Variants in CHRNA7 observed in about 807,000 individuals in gnomAD.
CHRNA7 encodes the protein cholinergic receptor nicotinic alpha 7 subunit, also known as neuronal acetylcholine receptor subunit alpha-7.
A neutral mutation model predicts 48.0 loss-of-function variants in CHRNA7; 17 were observed. The observed-to-expected ratio is 0.35, with a 90% CI of 0.24 to 0.53. The LOEUF is 0.53. CHRNA7 is among the 20% of genes least tolerant of loss of function. The pLI, the probability that CHRNA7 is intolerant of heterozygous loss-of-function variation, is 0.92. For missense variants in CHRNA7, 155 were observed against 577.7 expected (o/e 0.27, Z 7.50); for synonymous variants, 75 against 242.3 (o/e 0.31, Z 6.41).
At chr15:32,120,129 A>G (rs746503034) in intron 4 of CHRNA7, among the ~76,000 whole-genome samples, 1 of 152,130 alleles carries the variant, frequency 6.6e-6, no homozygotes, top group Non-Finnish European at 1.5e-5. Flanking sequence ...AGTGTCCACA[A>G]ATCTCAGGGC....
At chr15:32,054,312 T>C (rs545747306) in intron 2 of CHRNA7, among the ~76,000 whole-genome samples, 1 of 152,154 alleles carries the variant, frequency 6.6e-6, no homozygotes, top group Non-Finnish European at 1.5e-5. Context: ...ACAATTGAAA[T>C]CACTAGTCAG....
At chr15:32,150,434 G>A (rs2051602067) in intron 4 of CHRNA7, among the ~76,000 whole-genome samples, 1 of 152,318 alleles carries the variant, frequency 6.6e-6, no homozygotes, top group Middle Eastern at 3.4e-3. Context: ...GTGCGGGTTA[G>A]ATGCCATGTA....
At chr15:32,153,500 T>G (rs1173622090) in intron 4 of CHRNA7, 1 of 248,036 alleles carries the variant, frequency 4.0e-6, no homozygotes, top group African/African-American at 2.4e-5. Flanking sequence ...ACTAGAGCTT[T>G]GGACACAGCG....
rs145958857 is a variant in CHRNA7 at position 32,118,597 on chromosome 15, C to T, written c.350+6698C>T. ...GTCATCCTCCGAACTGTCCATCTCA[C>T]TCTCCCAGGTCTCATCATGGTCGCT... On this transcript the variant is annotated intron_variant, in intron 4 of 9. Coordinates refer to ENST00000306901, the MANE Select transcript of CHRNA7 (RefSeq NM_000746.6). Among the ~76,000 whole-genome samples the T allele has an allele frequency of 1.1e-4, 17 of 152,320 alleles. 1 individual carries two copies. In the East Asian group the frequency reaches 3.1e-3, roughly 28 times the overall value.
At chr15:32,092,168 TCATG>T (rs1434422775) in intron 2 of CHRNA7, among the ~76,000 whole-genome samples, 1 of 152,228 alleles carries the variant, frequency 6.6e-6, no homozygotes, top group Non-Finnish European at 1.5e-5. Context: ...GGTCCTGCCT[TCATG>T]CCAGTAACTT....
At chr15:32,051,797 T>TC (rs2049687848) in intron 2 of CHRNA7, among the ~76,000 whole-genome samples, 1 of 152,254 alleles carries the variant, frequency 6.6e-6, no homozygotes, top group Admixed American at 6.5e-5. Flanking sequence ...TCTTGGCTCC[T>TC]CCCCAAGTAG....
rs1459350553 is a variant in CHRNA7 at position 32,094,648 on chromosome 15, ACTTTT to A, written c.196-6649_196-6645del. On this transcript the variant is annotated intron_variant, in intron 2 of 9. Transcript: ENST00000306901. Reference sequence around the variant, plus strand: ...TGGAGAATTTTGCTATATTTTAGGCACTTTTCTTTTTCTTTTTCTTTTTTTTTTTT... The same window carrying A: ...TGGAGAATTTTGCTATATTTTAGGCACTTTTTCTTTTTCTTTTTTTTTTTT... Among the ~76,000 whole-genome samples, 277 of 143,150 alleles carry A rather than the reference ACTTTT, an allele frequency of 1.9e-3. 3 individuals are homozygous for A. The highest frequency in any genetic ancestry group is 6.0e-3 in the African/African-American group (233 of 38,718). 93.9% of individuals were successfully genotyped at this position (143,150 alleles called of 152,430 possible). A position where few individuals can be genotyped will look rare whatever the true frequency, so the allele number is the denominator to read the frequency against.
At chr15:32,066,462 A>T (rs970127514) in intron 2 of CHRNA7, among the ~76,000 whole-genome samples, 1 of 152,106 alleles carries the variant, frequency 6.6e-6, no homozygotes, top group Non-Finnish European at 1.5e-5. Context: ...TTGTATTTTT[A>T]GTAGAGACAG....
intron 2 of CHRNA7, among the ~76,000 whole-genome samples, chr15:32,080,587 A>G (rs1034786334): frequency 1.3e-5 from 2 of 152,212 alleles, no homozygotes; most frequent in East Asian, 1.9e-4. Context: ...TCAAAACCAC[A>G]ATGAGATACC....
At chr15:32,057,973 C>T (rs1221090798) in intron 2 of CHRNA7, among the ~76,000 whole-genome samples, 1 of 152,184 alleles carries the variant, frequency 6.6e-6, no homozygotes, top group Non-Finnish European at 1.5e-5. Context: ...GTCCTGGAGG[C>T]TTCCCTGTTC....
At chr15:32,115,814 T>C (rs1406176896) in intron 4 of CHRNA7, among the ~76,000 whole-genome samples, 2 of 151,892 alleles carry the variant, frequency 1.3e-5, no homozygotes, top group African/African-American at 4.8e-5. Flanking sequence ...GTGCAGGAAT[T>C]ATTAGGAGGA....
chr15:32,115,357 T>G (rs142505677), intron 4 of CHRNA7, among the ~76,000 whole-genome samples: 1,547 of 152,246 alleles, frequency 0.01, 20 homozygotes, highest in African/African-American at 0.035. Context: ...ATTGGCAATG[T>G]GGGAGGAGAA....
At chr15:32,070,626 T>C (rs916824843) in intron 2 of CHRNA7, among the ~76,000 whole-genome samples, 8 of 150,014 alleles carry the variant, frequency 5.3e-5, no homozygotes, top group Non-Finnish European at 7.4e-5. Context: ...CTGCAATCTA[T>C]TTTGAGTTTT....
rs137933699 is a variant in CHRNA7 at position 32,124,279 on chromosome 15, C to T, written c.350+12380C>T. 5.9e-5 allele frequency among the ~76,000 whole-genome samples: 9 copies of T among 151,886 alleles called. No individual in the cohort carries two copies. In the East Asian group the frequency reaches 1.5e-3, roughly 26 times the overall value. ...ACAAATATAGATGAAAGACAAAATA[C>T]GTAAAAAGGGACAAAATGAATATTT... On this transcript the variant is annotated intron_variant, in intron 4 of 9. Transcript: ENST00000306901.
intron 4 of CHRNA7, among the ~76,000 whole-genome samples, chr15:32,139,031 G>T (rs2051327327): frequency 6.6e-6 from 1 of 152,228 alleles, no homozygotes; most frequent in Non-Finnish European, 1.5e-5. Flanking sequence ...TGGGATTACA[G>T]GCGTGAGCCA....
chr15:32,030,848 A>G (rs1016767863), intron 1 of CHRNA7, 50 bp from the exon 2 acceptor site: 16 of 1,587,348 alleles, frequency 1.0e-5, no homozygotes, highest in Non-Finnish European at 1.4e-5. Flanking sequence ...AGTCGGGGGT[A>G]CCCCCGCCGG....
chr15:32,039,569 A>G (rs1460692219), intron 2 of CHRNA7, among the ~76,000 whole-genome samples: 1 of 152,142 alleles, frequency 6.6e-6, no homozygotes, highest in Non-Finnish European at 1.5e-5. Context: ...TGGATTTTTC[A>G]GTAATCTTTC....
intron 2 of CHRNA7, among the ~76,000 whole-genome samples, chr15:32,046,809 C>G (rs112097286): frequency 6.6e-6 from 1 of 151,664 alleles, no homozygotes; most frequent in African/African-American, 2.4e-5. Flanking sequence ...TTAGGTCTAA[C>G]GTTTAAGTCT....
intron 2 of CHRNA7, among the ~76,000 whole-genome samples, chr15:32,081,651 C>T (rs780484306): frequency 7.2e-5 from 11 of 152,082 alleles, no homozygotes; most frequent in Non-Finnish European, 1.5e-4. Flanking sequence ...CTTTACCTCC[C>T]TTTATCCTCT....
Sources: allele counts gnomAD v4.1 joint callset (sites outside exome capture counted in the v4.1 genomes callset), GRCh38; gene constraint gnomAD v4.1.1; transcripts MANE v1.5; gene names NCBI Gene and HGNC (gene_info 2026-07-23, HGNC 2026-07-21).